SSPN: variants seen among roughly 807,000 people sequenced by gnomAD.
SSPN encodes the protein sarcospan.
In SSPN, 15 loss-of-function variants were observed where a neutral mutation model predicts 19.1. The ratio of observed to expected loss-of-function variants is 0.78; its 90% CI spans 0.52 to 1.21. The LOEUF (loss-of-function observed/expected upper bound fraction) is 1.21, where lower values mean the gene tolerates loss of function less well. Among genes scored for constraint, SSPN ranks in the 50% most tolerant of loss-of-function variants. SSPN has a pLI of 0.00. For synonymous variants in SSPN, 147 were observed against 140.3 expected (o/e 1.05, Z -0.34); for missense variants, 291 against 314.0 (o/e 0.93, Z 0.55).
rs548536288 is a variant in SSPN, at chr12:26,224,446, G to T, written c.366+67G>T. 8.7e-6 allele frequency: 12 copies of T among 1,373,968 alleles called. No homozygotes were observed. In the East Asian group the frequency reaches 2.8e-4, roughly 32 times the overall value. The allele number at this position is 1,373,968 out of a possible 1,614,324, so 85.1% of individuals were successfully genotyped here. A position where few individuals can be genotyped will look rare whatever the true frequency, so the allele number is the denominator to read the frequency against. On this transcript the variant is annotated intron_variant, in intron 2 of 2. Coordinates refer to ENST00000242729, the MANE Select transcript of SSPN (RefSeq NM_005086.5). ...AGAAATCCAAGTACAAAATAAAGGAGTGCCTTCTTAAGGGGTTGCATATCT... is the reference window on the plus strand; with the variant it reads ...AGAAATCCAAGTACAAAATAAAGGATTGCCTTCTTAAGGGGTTGCATATCT...
At chr12:26,207,265 G>A (rs1944939045) in intron 1 of SSPN, among the ~76,000 whole-genome samples, 1 of 152,054 alleles carries the variant, frequency 6.6e-6, no homozygotes, top group Non-Finnish European at 1.5e-5. Flanking sequence ...GCAATTCTAT[G>A]CTTTTTAAAA....
At chr12:26,194,069 A>G (rs2343869), upstream of SSPN, among the ~76,000 whole-genome samples, 75,708 of 152,004 alleles carry the variant, frequency 0.5, 19,238 homozygotes, top group South Asian at 0.65. Flanking sequence ...TCTTGGCAAC[A>G]TCACTTATTT....
chr12:26,122,661 C>G (rs1290819892), intron 1 of SSPN: 1 of 1,402,998 alleles, frequency 7.1e-7, no homozygotes, highest in Admixed American at 2.2e-5. Flanking sequence ...GCCGCCGCCG[C>G]GGGAATCCAG....
chr12:26,123,508 A>C, intron 1 of SSPN: 1 of 802,340 alleles, frequency 1.2e-6, no homozygotes, highest in South Asian at 1.4e-5. Flanking sequence ...CAATTTAACA[A>C]ATGAGAGGGA....
intron 1 of SSPN, among the ~76,000 whole-genome samples, chr12:26,187,776 G>C (rs944433351): frequency 6.6e-6 from 1 of 152,136 alleles, no homozygotes; most frequent in Non-Finnish European, 1.5e-5. Flanking sequence ...TGCAGAGAGT[G>C]GTGGTGAGGA....
At chr12:26,122,792 G>A in intron 1 of SSPN, 2 of 1,591,690 alleles carry the variant, frequency 1.3e-6, no homozygotes, top group Non-Finnish European at 8.5e-7. Flanking sequence ...CGCCGCCGTA[G>A]CCGCTGTCGG....
upstream of SSPN, among the ~76,000 whole-genome samples, chr12:26,194,577 G>GTA: frequency 6.6e-6 from 1 of 152,192 alleles, no homozygotes; most frequent in South Asian, 2.1e-4. Flanking sequence ...GTGGAGACGG[G>GTA]GTTTCACCAT....
intron 1 of SSPN, among the ~76,000 whole-genome samples, chr12:26,174,475 GCTTC>G (rs763960839): frequency 1.4e-3 from 174 of 121,992 alleles, no homozygotes; most frequent in Admixed American, 2.1e-3. Context: ...TGCTACCCAC[GCTTC>G]CTTCCTTCCT....
chr12:26,148,482 A>T (rs141213742), intron 1 of SSPN, among the ~76,000 whole-genome samples: 1 of 152,348 alleles, frequency 6.6e-6, no homozygotes, highest in East Asian at 1.9e-4. Flanking sequence ...ATGATAAAGA[A>T]CGGGCCAACA....
At chr12:26,125,362 T>A (rs866177621) in intron 1 of SSPN, 1 of 224,534 alleles carries the variant, frequency 4.5e-6, no homozygotes, top group Non-Finnish European at 8.9e-6. Flanking sequence ...GTTCGTCCGT[T>A]GTTACGGTGC....
At chr12:26,174,581 C>CA (rs1366168264) in intron 1 of SSPN, among the ~76,000 whole-genome samples, 6 of 148,384 alleles carry the variant, frequency 4.0e-5, no homozygotes, top group Admixed American at 6.8e-5. Context: ...AGTGCAGTGA[C>CA]AAAATCCCAG....
chr12:26,225,184 T>C (rs1327264421), intron 2 of SSPN, among the ~76,000 whole-genome samples: 3 of 152,076 alleles, frequency 2.0e-5, no homozygotes, highest in African/African-American at 4.8e-5. Flanking sequence ...AAAAACTGGA[T>C]TTTTTTGTTC....
intron 1 of SSPN, among the ~76,000 whole-genome samples, chr12:26,131,820 A>T (rs1944398859): frequency 6.6e-6 from 1 of 152,236 alleles, no homozygotes; most frequent in African/African-American, 2.4e-5. Context: ...TCTACCTTAC[A>T]GATGAACAAA....
At chr12:26,214,157 T>C (rs1945021950) in intron 1 of SSPN, among the ~76,000 whole-genome samples, 1 of 152,178 alleles carries the variant, frequency 6.6e-6, no homozygotes, top group Admixed American at 6.6e-5. Flanking sequence ...TTATTAACTG[T>C]CATTTTCTCC....
intron 1 of SSPN, among the ~76,000 whole-genome samples, chr12:26,129,329 C>T (rs563279393): frequency 6.6e-6 from 1 of 152,274 alleles, no homozygotes; most frequent in South Asian, 2.1e-4. Flanking sequence ...TGGGTTGATG[C>T]TAAAATCAAG....
intron 1 of SSPN, among the ~76,000 whole-genome samples, chr12:26,198,156 CTT>C (rs1292381476): frequency 2.7e-5 from 4 of 149,308 alleles, no homozygotes; most frequent in Non-Finnish European, 6.0e-5. Context: ...TGCTGAATAA[CTT>C]TGAGTTTTGG....
At chr12:26,154,052 G>A (rs1370603495) in intron 1 of SSPN, among the ~76,000 whole-genome samples, 1 of 152,218 alleles carries the variant, frequency 6.6e-6, no homozygotes, top group East Asian at 1.9e-4. Context: ...TGCTTTTGTA[G>A]TGGTTACATT....
At chr12:26,142,340 G>A (rs1477584319) in intron 1 of SSPN, among the ~76,000 whole-genome samples, 2 of 152,194 alleles carry the variant, frequency 1.3e-5, no homozygotes, top group African/African-American at 4.8e-5. Context: ...AAGATGAAAG[G>A]TTGTAGGACA....
At chr12:26,166,959 A>C (rs1944624932) in intron 1 of SSPN, among the ~76,000 whole-genome samples, 1 of 152,250 alleles carries the variant, frequency 6.6e-6, no homozygotes, top group South Asian at 2.1e-4. Flanking sequence ...TTTTCCAACT[A>C]TATAGATATT....
Sources: gnomAD v4.1 joint callset for allele counts (sites outside exome capture counted in the v4.1 genomes callset) on GRCh38, gnomAD v4.1.1 for gene constraint, MANE v1.5 for transcripts, NCBI Gene and HGNC (gene_info 2026-07-23, HGNC 2026-07-21) for gene names.